The following ZNF536 variants were observed in gnomAD, a reference collection of about 807,000 sequenced individuals.
The protein encoded by ZNF536 is zinc finger protein 536.
Under a neutral mutation model 84.5 loss-of-function variants are expected in ZNF536, and 13 were observed. The observed-to-expected ratio is 0.15, with a 90% CI of 0.10 to 0.24. The LOEUF (loss-of-function observed/expected upper bound fraction) is 0.24, where lower values mean the gene tolerates loss of function less well. Among genes scored for constraint, ZNF536 ranks in the 10% least tolerant of loss-of-function variants. The pLI, the probability that ZNF536 is intolerant of heterozygous loss-of-function variation, is 1.00. For synonymous variants in ZNF536, 811 were observed against 742.5 expected (o/e 1.09, Z -1.50); for missense variants, 1,536 against 1,747.5 (o/e 0.88, Z 2.16).
intron 1 of ZNF536, among the ~76,000 whole-genome samples, chr19:30,584,916 C>T (rs1382424743): frequency 6.6e-6 from 1 of 152,014 alleles, no homozygotes; most frequent in South Asian, 2.1e-4. Flanking sequence ...GGAAACATAG[C>T]CAGACCCCCT....
At chr19:30,692,717 C>A (rs923823919) in intron 1 of ZNF536, among the ~76,000 whole-genome samples, 7 of 152,304 alleles carry the variant, frequency 4.6e-5, no homozygotes, top group Non-Finnish European at 8.8e-5. Flanking sequence ...CGGCTCCTGG[C>A]TGGCTCCTTA....
intron 1 of ZNF536, among the ~76,000 whole-genome samples, chr19:30,373,103 G>A (rs988250485): frequency 6.6e-6 from 1 of 152,222 alleles, no homozygotes; most frequent in Non-Finnish European, 1.5e-5. Context: ...TTTGACGTTA[G>A]AGAAATCAAA....
In ZNF536 at chr19:30,529,414, G is replaced by A. The variant is rs537226352; in HGVS notation, c.2171-5433G>A. ...AAGTTGTTTGTCTTTCTGAGCATCCGTTTCTTTGTCTAACTGGTACTGCCG... is the reference window on the plus strand; with the variant it reads ...AAGTTGTTTGTCTTTCTGAGCATCCATTTCTTTGTCTAACTGGTACTGCCG... On this transcript the variant is annotated intron_variant, in intron 2 of 4. Coordinates refer to ENST00000355537, the MANE Select transcript of ZNF536 (RefSeq NM_014717.3). Among the ~76,000 whole-genome samples the A allele has an allele frequency of 4.6e-5, 7 of 152,206 alleles. No individual in the cohort carries two copies. The South Asian group carries it at 8.3e-4, about 18-fold the overall frequency.
At chr19:30,282,984 C>A (rs938244557) in intron 1 of ZNF536, among the ~76,000 whole-genome samples, 7 of 152,162 alleles carry the variant, frequency 4.6e-5, no homozygotes, top group Admixed American at 3.9e-4. Flanking sequence ...ATGCAGTCAG[C>A]AAACACATTT....
chr19:30,398,686 A>G (rs1485911207), intron 1 of ZNF536, among the ~76,000 whole-genome samples: 1 of 152,172 alleles, frequency 6.6e-6, no homozygotes, highest in Non-Finnish European at 1.5e-5. Context: ...GATGGTTTTC[A>G]GCTTCATCCA....
At chr19:30,518,682 T>C (rs1231078290) in intron 2 of ZNF536, among the ~76,000 whole-genome samples, 2 of 152,208 alleles carry the variant, frequency 1.3e-5, no homozygotes, top group African/African-American at 2.4e-5. Context: ...AAAAAGTCAC[T>C]GGTATCGAAT....
chr19:30,525,025 G>A (rs1476010047), intron 2 of ZNF536, among the ~76,000 whole-genome samples: 4 of 152,094 alleles, frequency 2.6e-5, no homozygotes, highest in Admixed American at 1.3e-4. Context: ...ATGTGAAGTC[G>A]TTTCTCCTTA....
chr19:30,245,627 A>T (rs1249707141), intron 1 of ZNF536, among the ~76,000 whole-genome samples: 1 of 152,202 alleles, frequency 6.6e-6, no homozygotes, highest in Admixed American at 6.5e-5. Flanking sequence ...GCCCACCACG[A>T]GGTCGCCGTG....
intron 1 of ZNF536, among the ~76,000 whole-genome samples, chr19:30,701,248 AAC>A (rs1301846647): frequency 4.8e-5 from 7 of 146,722 alleles, no homozygotes; most frequent in East Asian, 4.1e-4. Context: ...CACAAACACA[AAC>A]ACACACACAA....
chr19:30,600,557 T>G (rs1018749545), intron 1 of ZNF536, among the ~76,000 whole-genome samples: 1 of 152,170 alleles, frequency 6.6e-6, no homozygotes, highest in Non-Finnish European at 1.5e-5. Context: ...CACGTCCTAG[T>G]GTGTCCTCCC....
chr19:30,377,272 T>A (rs965973005), intron 1 of ZNF536, among the ~76,000 whole-genome samples: 1 of 152,006 alleles, frequency 6.6e-6, no homozygotes, highest in Non-Finnish European at 1.5e-5. Context: ...ATGTTACCCG[T>A]GTGGGCCGCG....
chr19:30,614,553 TA>T (rs1194521520), intron 1 of ZNF536, among the ~76,000 whole-genome samples: 1 of 152,096 alleles, frequency 6.6e-6, no homozygotes, highest in African/African-American at 2.4e-5. Context: ...GCCCATCTGA[TA>T]GGTTTCTGAT....
At chr19:30,321,882 A>G (rs2046870870) in intron 2 of ZNF536, among the ~76,000 whole-genome samples, 1 of 151,336 alleles carries the variant, frequency 6.6e-6, no homozygotes, top group African/African-American at 2.4e-5. Flanking sequence ...GGTTCAATCA[A>G]TTCTCCGCCT....
At chr19:30,243,399 G>A (rs2024069958) in intron 1 of ZNF536, among the ~76,000 whole-genome samples, 1 of 152,140 alleles carries the variant, frequency 6.6e-6, no homozygotes, top group Non-Finnish European at 1.5e-5. Flanking sequence ...CATGCATTAT[G>A]AAATTTGAAC....
At chr19:30,675,619 T>C (rs1475373449) in intron 1 of ZNF536, among the ~76,000 whole-genome samples, 1 of 152,172 alleles carries the variant, frequency 6.6e-6, no homozygotes, top group Non-Finnish European at 1.5e-5. Context: ...TGCCTTGAAA[T>C]CTCATCTTGA....
At chr19:30,638,846 T>C (rs2049165939) in intron 1 of ZNF536, among the ~76,000 whole-genome samples, 1 of 152,230 alleles carries the variant, frequency 6.6e-6, no homozygotes, top group Admixed American at 6.5e-5. Context: ...GCAAATGGAA[T>C]CTTCTTCCAG....
At chr19:30,247,939 G>A (rs971574802) in intron 1 of ZNF536, among the ~76,000 whole-genome samples, 1 of 152,194 alleles carries the variant, frequency 6.6e-6, no homozygotes, top group East Asian at 1.9e-4. Flanking sequence ...AAATCAGAGA[G>A]TATTTCACGC....
At chr19:30,320,398 G>T (rs571332456) in intron 2 of ZNF536, among the ~76,000 whole-genome samples, 3 of 152,182 alleles carry the variant, frequency 2.0e-5, no homozygotes, top group African/African-American at 7.2e-5. Flanking sequence ...TTTGGGCTAC[G>T]ATTCATCAGG....
intron 1 of ZNF536, among the ~76,000 whole-genome samples, chr19:30,634,762 G>A (rs749325010): frequency 2.1e-4 from 32 of 152,008 alleles, no homozygotes; most frequent in Non-Finnish European, 3.2e-4. Flanking sequence ...GAAAGGGGAC[G>A]GGATTTTCAT....
Sources: allele counts gnomAD v4.1 joint callset (sites outside exome capture counted in the v4.1 genomes callset), GRCh38; gene constraint gnomAD v4.1.1; transcripts MANE v1.5; gene names NCBI Gene and HGNC (gene_info 2026-07-23, HGNC 2026-07-21).